SORCS2: variants seen among roughly 807,000 people sequenced by gnomAD.
SORCS2 encodes the protein VPS10 domain-containing receptor SorCS2.
SORCS2 carries 100 observed loss-of-function variants against 141.6 expected under a neutral mutation model. The observed-to-expected ratio is 0.71, with a 90% CI of 0.60 to 0.83. The LOEUF (loss-of-function observed/expected upper bound fraction) is 0.83, where lower values mean the gene tolerates loss of function less well. SORCS2 is among the 40% of genes least tolerant of loss of function. The probability of loss-of-function intolerance (pLI) is 0.00; values close to 1 mark genes in which losing one functional copy is unlikely to be tolerated. For synonymous variants in SORCS2, 789 were observed against 676.9 expected, an observed-to-expected ratio of 1.17 and a Z score of -2.57; for missense variants, 1,646 against 1,560.2, an observed-to-expected ratio of 1.05 and a Z score of -0.93.
At chr4:7,497,804 A>G (rs1266352816) in intron 2 of SORCS2, among the ~76,000 whole-genome samples, 3 of 152,404 alleles carry the variant, frequency 2.0e-5, no homozygotes, top group Non-Finnish European at 2.9e-5. Flanking sequence ...GCCTGGACCC[A>G]GATACTGTCC....
At chr4:7,673,608 A>C (rs769915471) in intron 8 of SORCS2, among the ~76,000 whole-genome samples, 1 of 152,208 alleles carries the variant, frequency 6.6e-6, no homozygotes, top group Non-Finnish European at 1.5e-5. Flanking sequence ...AACATTTGAA[A>C]ACGCTGGTGC....
chr4:7,472,802 C>T (rs1730057528), intron 2 of SORCS2, among the ~76,000 whole-genome samples: 1 of 152,156 alleles, frequency 6.6e-6, no homozygotes, highest in South Asian at 2.1e-4. Flanking sequence ...GTGAGGCTCC[C>T]ACTCTAGAAC....
At chr4:7,703,212 C>A in intron 12 of SORCS2, 68 bp from the exon 13 acceptor site, 1 of 1,298,812 alleles carries the variant, frequency 7.7e-7, no homozygotes, top group Non-Finnish European at 1.1e-6. Flanking sequence ...CTCCCAGGAG[C>A]CGCTCAGCCT....
At chr4:7,266,220 C>G (rs1318297850) in intron 1 of SORCS2, among the ~76,000 whole-genome samples, 1 of 152,176 alleles carries the variant, frequency 6.6e-6, no homozygotes, top group East Asian at 1.9e-4. Flanking sequence ...GCTGTGCAGG[C>G]CAGCGGGTGG....
chr4:7,653,994 A>T lies in SORCS2; in HGVS notation c.814-140A>T, dbSNP rs1721595939. On this transcript the variant is annotated intron_variant, in intron 4 of 26. Coordinates refer to ENST00000507866, the MANE Select transcript of SORCS2 (RefSeq NM_020777.3). ...GGGGTTTGGTCTGCATCCCAGCATG[A>T]GCACAGCGCCTCCGCGTGTCCGCTG... 17 of 781,112 alleles carry T rather than the reference A, an allele frequency of 2.2e-5. No individual in the cohort carries two copies. The East Asian group carries it at 4.4e-4, about 20-fold the overall frequency. The allele number at this position is 781,112 out of a possible 1,614,324, so 48.4% of individuals were successfully genotyped here. A position where few individuals can be genotyped will look rare whatever the true frequency, so the allele number is the denominator to read the frequency against.
intron 2 of SORCS2, among the ~76,000 whole-genome samples, chr4:7,439,840 T>C (rs1727544272): frequency 6.6e-6 from 1 of 152,180 alleles, no homozygotes; most frequent in Non-Finnish European, 1.5e-5. Context: ...CAAACATGGC[T>C]GCTCCAAACA....
chr4:7,292,275 G>T (rs1380186617), intron 1 of SORCS2, among the ~76,000 whole-genome samples: 2 of 150,844 alleles, frequency 1.3e-5, no homozygotes, highest in Non-Finnish European at 2.9e-5. Flanking sequence ...GTTCACCAAG[G>T]AGGCTCCCCA....
At chr4:7,456,266 A>G (rs749713408) in intron 2 of SORCS2, among the ~76,000 whole-genome samples, 18 of 152,340 alleles carry the variant, frequency 1.2e-4, no homozygotes, top group Non-Finnish European at 2.2e-4. Flanking sequence ...GGTGGACACA[A>G]TTCTGCCCAT....
intron 3 of SORCS2, among the ~76,000 whole-genome samples, chr4:7,615,591 T>C (rs1347273325): frequency 6.6e-6 from 1 of 152,172 alleles, no homozygotes; most frequent in Non-Finnish European, 1.5e-5. Flanking sequence ...CCACATCAGG[T>C]GTTCCTGTGC....
At chr4:7,488,434 C>G (rs1019128510) in intron 2 of SORCS2, among the ~76,000 whole-genome samples, 1 of 152,220 alleles carries the variant, frequency 6.6e-6, no homozygotes, top group African/African-American at 2.4e-5. Flanking sequence ...GAGCACTTGT[C>G]CCCATGAGCG....
chr4:7,265,093 G>A (rs142372696), intron 1 of SORCS2, among the ~76,000 whole-genome samples: 19 of 152,332 alleles, frequency 1.2e-4, no homozygotes, highest in Admixed American at 3.3e-4. Flanking sequence ...TGCTCCATTC[G>A]GGGGTGTGTT....
chr4:7,502,514 G>A (rs71601850), intron 2 of SORCS2, among the ~76,000 whole-genome samples: 1,779 of 152,338 alleles, frequency 0.012, 14 homozygotes, highest in East Asian at 0.022. Flanking sequence ...AATAGGAGCT[G>A]TGTGGACATG....
At chr4:7,441,530 G>A (rs1053552405) in intron 2 of SORCS2, among the ~76,000 whole-genome samples, 5 of 151,942 alleles carry the variant, frequency 3.3e-5, no homozygotes, top group Non-Finnish European at 5.9e-5. Flanking sequence ...AGAGGGAAGC[G>A]CCCTTGCCAT....
intron 1 of SORCS2, among the ~76,000 whole-genome samples, chr4:7,234,498 C>T (rs1712125631): frequency 6.6e-6 from 1 of 152,250 alleles, no homozygotes; most frequent in Admixed American, 6.5e-5. Flanking sequence ...GCATGGTGGC[C>T]TCTCTGGGGT....
At chr4:7,429,541 G>T (rs1032251124) in intron 2 of SORCS2, among the ~76,000 whole-genome samples, 15 of 152,236 alleles carry the variant, frequency 9.9e-5, no homozygotes, top group African/African-American at 3.4e-4. Flanking sequence ...TGCATTTTCA[G>T]AGGCTAGCTG....
chr4:7,399,304 C>T (rs1724420242), intron 2 of SORCS2, among the ~76,000 whole-genome samples: 1 of 151,920 alleles, frequency 6.6e-6, no homozygotes, highest in South Asian at 2.1e-4. Context: ...GTGCCCTCGT[C>T]TGGAGAGCAC....
intron 2 of SORCS2, among the ~76,000 whole-genome samples, chr4:7,516,557 G>A (rs896674594): frequency 6.6e-6 from 1 of 152,178 alleles, no homozygotes; most frequent in Non-Finnish European, 1.5e-5. Context: ...AGTTCCATGT[G>A]GGCAGGGACC....
chr4:7,243,104 T>G (rs920341560), intron 1 of SORCS2, among the ~76,000 whole-genome samples: 10 of 152,188 alleles, frequency 6.6e-5, no homozygotes, highest in Non-Finnish European at 1.2e-4. Flanking sequence ...ACAGGCTTTC[T>G]TTCTCCATGA....
chr4:7,407,980 TTTTTAC>T (rs1397972511), intron 2 of SORCS2, among the ~76,000 whole-genome samples: 1 of 152,104 alleles, frequency 6.6e-6, no homozygotes, highest in Non-Finnish European at 1.5e-5. Flanking sequence ...CTCCCCCATA[TTTTTAC>T]TTTTAGTTGT....
Sources: allele counts gnomAD v4.1 joint callset (sites outside exome capture counted in the v4.1 genomes callset), GRCh38; gene constraint gnomAD v4.1.1; transcripts MANE v1.5; gene names NCBI Gene and HGNC (gene_info 2026-07-23, HGNC 2026-07-21).